STAG1: variants seen among roughly 807,000 people sequenced by gnomAD.
STAG1 encodes the protein STAG1 cohesin complex component.
A neutral mutation model predicts 170.9 loss-of-function variants in STAG1; 26 were observed. That is an observed-to-expected ratio of 0.15 (90% CI 0.11 to 0.21). The LOEUF (loss-of-function observed/expected upper bound fraction) is 0.21, where lower values mean the gene tolerates loss of function less well. Among genes scored for constraint, STAG1 ranks in the 10% least tolerant of loss-of-function variants. The pLI is 1.00. For synonymous variants in STAG1, 514 were observed against 497.7 expected, an observed-to-expected ratio of 1.03 and a Z score of -0.44; for missense variants, 964 against 1,509.5, an observed-to-expected ratio of 0.64 and a Z score of 5.99.
chr3:136,354,219 A>G (rs1936541023), intron 28 of STAG1, among the ~76,000 whole-genome samples: 1 of 152,234 alleles, frequency 6.6e-6, no homozygotes, highest in African/African-American at 2.4e-5. Context: ...AATAGCCAAA[A>G]AAGGAGGAAG....
chr3:136,652,326 C>T (rs900736058), intron 1 of STAG1, among the ~76,000 whole-genome samples: 3 of 152,104 alleles, frequency 2.0e-5, no homozygotes, highest in Non-Finnish European at 2.9e-5. Flanking sequence ...CACTTCATTG[C>T]TGATTTAAAT....
intron 21 of STAG1, among the ~76,000 whole-genome samples, chr3:136,407,472 A>G (rs2107706417): frequency 6.6e-6 from 1 of 151,914 alleles, no homozygotes. Context: ...CTAAATAATT[A>G]TTTTCTTGAG....
intron 4 of STAG1, among the ~76,000 whole-genome samples, chr3:136,599,360 G>A (rs191112218): frequency 4.8e-4 from 73 of 152,004 alleles, no homozygotes; most frequent in Non-Finnish European, 3.2e-4. Context: ...GCAAAACCCT[G>A]TATCTACTAA....
intron 5 of STAG1, among the ~76,000 whole-genome samples, chr3:136,558,719 T>C (rs1178371861): frequency 6.6e-6 from 1 of 152,180 alleles, no homozygotes; most frequent in East Asian, 1.9e-4. Context: ...TTTGACATCA[T>C]CCAGAAAAGT....
At chr3:136,654,485 A>G (rs1941311682) in intron 1 of STAG1, among the ~76,000 whole-genome samples, 1 of 152,230 alleles carries the variant, frequency 6.6e-6, no homozygotes, top group Non-Finnish European at 1.5e-5. Context: ...GAAATTAAAG[A>G]CACAAATAAG....
chr3:136,580,873 T>C lies in STAG1; in HGVS notation c.298-12012A>G, dbSNP rs1227537809. On this transcript the variant is annotated intron_variant, in intron 4 of 33. Transcript: ENST00000383202. Reference sequence around the variant, plus strand: ...AAATCTAAGTTTTTCACCAAATTTTTTTCTCATTGAATTATTATTTTATTA... The same window carrying C: ...AAATCTAAGTTTTTCACCAAATTTTCTTCTCATTGAATTATTATTTTATTA... Among the ~76,000 whole-genome samples the C allele has an allele frequency of 3.9e-5, 6 of 152,274 alleles. No individual in the cohort carries two copies. The East Asian group carries it at 1.2e-3, about 29-fold the overall frequency.
At chr3:136,608,489 G>A (rs531376578) in intron 3 of STAG1, among the ~76,000 whole-genome samples, 1 of 149,042 alleles carries the variant, frequency 6.7e-6, no homozygotes, top group South Asian at 2.1e-4. Flanking sequence ...CGTGATTATA[G>A]CACTGTACTC....
At chr3:136,611,311 G>A (rs187385783) in intron 3 of STAG1, among the ~76,000 whole-genome samples, 7 of 151,744 alleles carry the variant, frequency 4.6e-5, no homozygotes, top group Admixed American at 1.3e-4. Flanking sequence ...CACCATGCCC[G>A]GCTAATTTTG....
At chr3:136,743,577 G>A (rs940860429) in intron 1 of STAG1, among the ~76,000 whole-genome samples, 2 of 151,814 alleles carry the variant, frequency 1.3e-5, no homozygotes, top group Non-Finnish European at 2.9e-5. Flanking sequence ...CCTATATCTA[G>A]TATAGAAACT....
chr3:136,745,299 T>C (rs778454729), intron 1 of STAG1, among the ~76,000 whole-genome samples: 2 of 151,970 alleles, frequency 1.3e-5, no homozygotes, highest in Non-Finnish European at 2.9e-5. Context: ...TACTATGGAC[T>C]CACAAAATTA....
intron 15 of STAG1, among the ~76,000 whole-genome samples, chr3:136,441,711 C>T (rs1342500018): frequency 1.3e-5 from 2 of 151,992 alleles, no homozygotes; most frequent in African/African-American, 4.8e-5. Context: ...TTGTAATATT[C>T]CAAAAGGATG....
intron 13 of STAG1, among the ~76,000 whole-genome samples, chr3:136,456,608 A>G (rs1276635152): frequency 7.2e-5 from 11 of 152,228 alleles, no homozygotes; most frequent in African/African-American, 2.2e-4. Flanking sequence ...GTAAGGCTGA[A>G]AATTCCCCAA....
chr3:136,549,439 T>C (rs895365799), intron 5 of STAG1, among the ~76,000 whole-genome samples: 4 of 151,994 alleles, frequency 2.6e-5, no homozygotes, highest in Non-Finnish European at 5.9e-5. Context: ...GCCTCCTGAG[T>C]AGCTGGGATT....
intron 9 of STAG1, among the ~76,000 whole-genome samples, chr3:136,486,374 C>G (rs1404443267): frequency 6.6e-6 from 1 of 152,188 alleles, no homozygotes; most frequent in African/African-American, 2.4e-5. Context: ...GCTTTGTATA[C>G]TTTGTTTTCT....
intron 7 of STAG1, among the ~76,000 whole-genome samples, chr3:136,510,613 GTT>G (rs869278058): frequency 1.1e-4 from 15 of 131,104 alleles, no homozygotes; most frequent in Admixed American, 2.3e-4. Flanking sequence ...GGATGTCTTT[GTT>G]TTTTTTTTTT....
At chr3:136,703,838 G>C in intron 1 of STAG1, among the ~76,000 whole-genome samples, 1 of 151,646 alleles carries the variant, frequency 6.6e-6, no homozygotes, top group East Asian at 2.0e-4. Context: ...GGTGAAACCT[G>C]GTCTCTACTA....
chr3:136,510,481 G>C (rs1934003006), intron 7 of STAG1, among the ~76,000 whole-genome samples: 1 of 151,868 alleles, frequency 6.6e-6, no homozygotes, highest in Admixed American at 6.6e-5. Context: ...TAGAGATGAG[G>C]CTTTCACCAT....
intron 4 of STAG1, among the ~76,000 whole-genome samples, chr3:136,573,199 A>G (rs1269095038): frequency 6.6e-6 from 1 of 152,146 alleles, no homozygotes; most frequent in African/African-American, 2.4e-5. Flanking sequence ...AGGATTAAAA[A>G]AAAAAAAAAG....
chr3:136,445,417 T>C (rs1339225333), intron 14 of STAG1, among the ~76,000 whole-genome samples: 1 of 152,176 alleles, frequency 6.6e-6, no homozygotes, highest in African/African-American at 2.4e-5. Flanking sequence ...ACTGTTGCTA[T>C]TAACCCATGC....
Sources: gnomAD v4.1 joint callset for allele counts (sites outside exome capture counted in the v4.1 genomes callset) on GRCh38, gnomAD v4.1.1 for gene constraint, MANE v1.5 for transcripts, NCBI Gene and HGNC (gene_info 2026-07-23, HGNC 2026-07-21) for gene names.